The following CACNA2D3 variants were observed in gnomAD, a reference collection of about 807,000 sequenced individuals.
CACNA2D3 encodes the protein voltage-dependent calcium channel subunit alpha-2/delta-3.
A neutral mutation model predicts 160.6 loss-of-function variants in CACNA2D3; 60 were observed. The observed-to-expected ratio is 0.37, with a 90% confidence interval of 0.30 to 0.46. CACNA2D3 has a LOEUF of 0.46. CACNA2D3 is among the 20% of genes least tolerant of loss of function. The probability of loss-of-function intolerance (pLI) is 1.00; values close to 1 mark genes in which losing one functional copy is unlikely to be tolerated. For synonymous variants in CACNA2D3, 558 were observed against 492.9 expected, an observed-to-expected ratio of 1.13 and a Z score of -1.75; for missense variants, 1,205 against 1,365.0, an observed-to-expected ratio of 0.88 and a Z score of 1.85.
intron 4 of CACNA2D3, among the ~76,000 whole-genome samples, chr3:54,390,283 C>T (rs989601051): frequency 2.2e-4 from 33 of 152,104 alleles, no homozygotes; most frequent in African/African-American, 7.7e-4. Flanking sequence ...TTCCTATTTC[C>T]GAAGTTTTAC....
chr3:54,352,463 G>A (rs367748363), intron 3 of CACNA2D3, among the ~76,000 whole-genome samples: 4 of 152,170 alleles, frequency 2.6e-5, no homozygotes, highest in African/African-American at 4.8e-5. Context: ...GTTCTGTGCC[G>A]TTCACAGACA....
intron 3 of CACNA2D3, among the ~76,000 whole-genome samples, chr3:54,349,962 A>G (rs1197794689): frequency 2.0e-5 from 3 of 152,232 alleles, no homozygotes; most frequent in African/African-American, 7.2e-5. Context: ...CCATTGGTTC[A>G]GACTTTGGTC....
At chr3:54,728,333 T>G (rs936903291) in intron 11 of CACNA2D3, among the ~76,000 whole-genome samples, 6 of 149,800 alleles carry the variant, frequency 4.0e-5, no homozygotes, top group Non-Finnish European at 6.0e-5. Flanking sequence ...TTCATTAATC[T>G]TCTCTTCGGT....
At position 54,594,290 on chromosome 3, in the gene CACNA2D3, C is replaced by A. The variant is rs144507597; in HGVS notation, c.963+12413C>A. Among the ~76,000 whole-genome samples the A allele has an allele frequency of 8.0e-4, 121 of 152,182 alleles. 2 individuals carry two copies. The highest frequency in any genetic ancestry group is 1.5e-3 in the African/African-American group (63 of 41,528). ...AGCATGAAAGCAGCCATGGGTAATA[C>A]GTAAATGAGTGGGCATGGTTATGTT... On this transcript the variant is annotated intron_variant, in intron 9 of 37. Transcript: ENST00000474759.
intron 11 of CACNA2D3, among the ~76,000 whole-genome samples, chr3:54,669,777 CTATT>C (rs1329783712): frequency 3.3e-5 from 5 of 151,622 alleles, no homozygotes; most frequent in Non-Finnish European, 5.9e-5. Flanking sequence ...AAATTTTAAT[CTATT>C]TATTTGTTTT....
intron 4 of CACNA2D3, among the ~76,000 whole-genome samples, chr3:54,459,918 A>T (rs986008811): frequency 3.3e-5 from 5 of 152,234 alleles, no homozygotes; most frequent in Non-Finnish European, 7.3e-5. Flanking sequence ...CTAACATTTA[A>T]GTCTTTAATC....
intron 31 of CACNA2D3, among the ~76,000 whole-genome samples, chr3:54,991,798 G>A (rs1159384359): frequency 6.6e-6 from 1 of 152,116 alleles, no homozygotes; most frequent in African/African-American, 2.4e-5. Context: ...TACCAAAATA[G>A]GGATCTCAAT....
At chr3:54,448,428 C>T (rs1219489208) in intron 4 of CACNA2D3, among the ~76,000 whole-genome samples, 1 of 152,162 alleles carries the variant, frequency 6.6e-6, no homozygotes, top group Non-Finnish European at 1.5e-5. Context: ...CGTCAGGACC[C>T]AAGCACTCTC....
At chr3:54,750,300 A>C (rs1701833505) in intron 11 of CACNA2D3, among the ~76,000 whole-genome samples, 1 of 152,222 alleles carries the variant, frequency 6.6e-6, no homozygotes, top group Admixed American at 6.5e-5. Context: ...TCATAGCTTC[A>C]TTTCCTCAGA....
intron 17 of CACNA2D3, among the ~76,000 whole-genome samples, chr3:54,849,646 T>C (rs1233011070): frequency 1.3e-5 from 2 of 152,076 alleles, no homozygotes; most frequent in African/African-American, 4.8e-5. Flanking sequence ...TCATTCAAAC[T>C]CCATTTGTCT....
intron 8 of CACNA2D3, among the ~76,000 whole-genome samples, chr3:54,577,468 T>C (rs1018919498): frequency 3.9e-5 from 6 of 152,188 alleles, no homozygotes; most frequent in Non-Finnish European, 7.3e-5. Flanking sequence ...TGCAGATCCA[T>C]GATCTCCAGA....
chr3:54,891,998 G>A (rs571115750), intron 25 of CACNA2D3, among the ~76,000 whole-genome samples: 4 of 152,160 alleles, frequency 2.6e-5, no homozygotes, highest in Non-Finnish European at 4.4e-5. Context: ...CCAAAGAGAC[G>A]TGGATAGATG....
intron 14 of CACNA2D3, 58 bp from the exon 15 acceptor site, chr3:54,837,101 C>A: frequency 6.8e-7 from 1 of 1,476,062 alleles, no homozygotes; most frequent in Non-Finnish European, 9.5e-7. Context: ...AGGGGGTGGC[C>A]TCCAGAACTG....
chr3:55,018,404 C>T (rs934200431), intron 35 of CACNA2D3, 87 bp downstream of exon 35: 1 of 748,302 alleles, frequency 1.3e-6, no homozygotes, highest in South Asian at 1.5e-5. Context: ...CTTGCAGGCA[C>T]AGTTACACCA....
chr3:54,604,190 C>T (rs960760350), intron 9 of CACNA2D3, among the ~76,000 whole-genome samples: 3 of 152,064 alleles, frequency 2.0e-5, no homozygotes, highest in African/African-American at 4.8e-5. Context: ...GTTGATTTGC[C>T]CATTGATTCA....
intron 9 of CACNA2D3, among the ~76,000 whole-genome samples, chr3:54,609,024 G>A (rs968629801): frequency 6.6e-5 from 10 of 152,186 alleles, no homozygotes; most frequent in African/African-American, 2.4e-4. Flanking sequence ...GTTATGGACT[G>A]AATCATGTCC....
intron 2 of CACNA2D3, among the ~76,000 whole-genome samples, chr3:54,151,604 G>A (rs1384939409): frequency 7.2e-5 from 11 of 152,172 alleles, no homozygotes; most frequent in Admixed American, 7.2e-4. Context: ...AAGGTCACCA[G>A]GATGCATGGG....
At chr3:54,889,689 A>G (rs1700010804) in intron 24 of CACNA2D3, among the ~76,000 whole-genome samples, 1 of 152,168 alleles carries the variant, frequency 6.6e-6, no homozygotes, top group African/African-American at 2.4e-5. Context: ...TTAGTATGCA[A>G]ATCTGGAGCC....
intron 2 of CACNA2D3, among the ~76,000 whole-genome samples, chr3:54,155,836 CA>C (rs1172329793): frequency 6.6e-6 from 1 of 152,206 alleles, no homozygotes; most frequent in East Asian, 1.9e-4. Context: ...CTTCCCAGAA[CA>C]AAACTTCAAC....
Sources: allele counts gnomAD v4.1 joint callset (sites outside exome capture counted in the v4.1 genomes callset), GRCh38; gene constraint gnomAD v4.1.1; transcripts MANE v1.5; gene names NCBI Gene and HGNC (gene_info 2026-07-23, HGNC 2026-07-21).